PTPRD: variants seen among roughly 807,000 people sequenced by gnomAD.
The protein encoded by PTPRD is protein tyrosine phosphatase receptor type D.
PTPRD carries 34 observed loss-of-function variants against 214.5 expected under a neutral mutation model. That is an observed-to-expected ratio of 0.16 (90% confidence interval 0.12 to 0.21). The LOEUF (loss-of-function observed/expected upper bound fraction) is 0.21. Among genes scored for constraint, PTPRD ranks in the 10% least tolerant of loss-of-function variants. PTPRD has a pLI of 1.00. For missense variants in PTPRD, 2,545 were observed against 2,398.7 expected (o/e 1.06, Z -1.27); for synonymous variants, 1,128 against 845.7 (o/e 1.33, Z -5.79).
In PTPRD at chr9:8,819,338, ATATTT is replaced by A. The variant is rs550164249; in HGVS notation, c.-103-85397_-103-85393del. Among the ~76,000 whole-genome samples the A allele has an allele frequency of 2.6e-3, 397 of 152,142 alleles. 1 individual carries two copies. The highest frequency in any genetic ancestry group is 8.6e-3 in the African/African-American group (355 of 41,518). ...CTGTTTCATATTCATATATTAACTT[ATATTT>A]TATTTTATTATATTTCTCTAATATA... is the stretch of plus-strand genomic sequence containing the variant. On this transcript the variant is annotated intron_variant, in intron 11 of 45. Coordinates refer to ENST00000381196, the MANE Select transcript of PTPRD (RefSeq NM_002839.4).
At chr9:9,617,140 G>A (rs777565321) in intron 7 of PTPRD, among the ~76,000 whole-genome samples, 1 of 152,034 alleles carries the variant, frequency 6.6e-6, no homozygotes, top group Non-Finnish European at 1.5e-5. Context: ...GCTTATTCTG[G>A]GAGTTTTATA....
intron 3 of PTPRD, among the ~76,000 whole-genome samples, chr9:10,207,526 T>C (rs1217934324): frequency 6.6e-6 from 1 of 151,994 alleles, no homozygotes; most frequent in Non-Finnish European, 1.5e-5. Context: ...TTCTAAAATA[T>C]ATAATGCACT....
At chr9:10,308,740 G>A (rs1313107046) in intron 3 of PTPRD, among the ~76,000 whole-genome samples, 2 of 151,878 alleles carry the variant, frequency 1.3e-5, no homozygotes, top group African/African-American at 2.4e-5. Flanking sequence ...TTTGATTACT[G>A]GTATGCAGTT....
chr9:9,172,976 C>G (rs568369965), intron 10 of PTPRD, among the ~76,000 whole-genome samples: 1 of 152,236 alleles, frequency 6.6e-6, no homozygotes, highest in Non-Finnish European at 1.5e-5. Context: ...GAGAGATCAC[C>G]TCACTCAGAA....
chr9:8,777,847 T>C (rs908885155), intron 11 of PTPRD, among the ~76,000 whole-genome samples: 1 of 152,220 alleles, frequency 6.6e-6, no homozygotes, highest in African/African-American at 2.4e-5. Flanking sequence ...TTATCTCTCA[T>C]TTTTTATCAA....
intron 35 of PTPRD, among the ~76,000 whole-genome samples, chr9:8,418,678 G>A (rs1032799991): frequency 2.6e-5 from 4 of 151,638 alleles, no homozygotes; most frequent in Non-Finnish European, 5.9e-5. Flanking sequence ...ATATATACCA[G>A]GATCACAAAC....
At chr9:9,356,265 T>C (rs1238990362) in intron 9 of PTPRD, among the ~76,000 whole-genome samples, 1 of 151,190 alleles carries the variant, frequency 6.6e-6, no homozygotes. Flanking sequence ...GTTTGTGTGG[T>C]TATAGAAACA....
intron 10 of PTPRD, among the ~76,000 whole-genome samples, chr9:9,073,471 T>A (rs1179124960): frequency 6.6e-6 from 1 of 152,166 alleles, no homozygotes; most frequent in Non-Finnish European, 1.5e-5. Flanking sequence ...CTAAGACTAT[T>A]TTTCAGTTGC....
intron 12 of PTPRD, among the ~76,000 whole-genome samples, chr9:8,672,058 A>G (rs572795116): frequency 6.6e-6 from 1 of 152,330 alleles, no homozygotes; most frequent in Non-Finnish European, 1.5e-5. Flanking sequence ...TAAGGCTATT[A>G]TCTCCTCATA....
intron 30 of PTPRD, among the ~76,000 whole-genome samples, chr9:8,473,905 G>C (rs2096710738): frequency 6.6e-6 from 1 of 152,218 alleles, no homozygotes; most frequent in Non-Finnish European, 1.5e-5. Context: ...AAATAGGGCA[G>C]TGGCAATTTG....
chr9:9,500,455 G>T (rs1389505180), intron 8 of PTPRD, among the ~76,000 whole-genome samples: 1 of 152,092 alleles, frequency 6.6e-6, no homozygotes, highest in African/African-American at 2.4e-5. Context: ...GAACACAGCA[G>T]TGCCACTGAG....
chr9:9,320,971 T>C (rs1966178394), intron 9 of PTPRD, among the ~76,000 whole-genome samples: 1 of 152,192 alleles, frequency 6.6e-6, no homozygotes, highest in South Asian at 2.1e-4. Context: ...CCTTGCCTGC[T>C]TGCCTTCAAT....
intron 3 of PTPRD, among the ~76,000 whole-genome samples, chr9:10,094,075 T>C (rs1265989150): frequency 6.6e-6 from 1 of 151,362 alleles, no homozygotes; most frequent in Non-Finnish European, 1.5e-5. Context: ...CACATGTACC[T>C]GTTGAATCCA....
At chr9:9,055,029 GA>G (rs2099693653) in intron 10 of PTPRD, among the ~76,000 whole-genome samples, 1 of 152,154 alleles carries the variant, frequency 6.6e-6, no homozygotes, top group South Asian at 2.1e-4. Context: ...TGCAAGGACT[GA>G]AACTTGTCAT....
chr9:10,040,694 A>G (rs1337735235), intron 3 of PTPRD, among the ~76,000 whole-genome samples: 1 of 152,082 alleles, frequency 6.6e-6, no homozygotes, highest in Non-Finnish European at 1.5e-5. Context: ...TTTCTTCCCT[A>G]GCAAGAAAAG....
At position 10,004,715 on chromosome 9, in the gene PTPRD, T is replaced by C. The variant is rs139631569; in HGVS notation, c.-472+29003A>G. 2.2e-3 allele frequency among the ~76,000 whole-genome samples: 341 copies of C among 152,206 alleles called. 2 individuals are homozygous for C. The highest frequency in any genetic ancestry group is 7.8e-3 in the African/African-American group (325 of 41,542). ...AAAATACCAAATAGTGTCATAATTT[T>C]ATAAACACCAAACTTTATAAAATCA... On this transcript the variant is annotated intron_variant, in intron 4 of 45. Transcript: ENST00000381196.
chr9:9,928,343 C>T (rs951067412), intron 5 of PTPRD, among the ~76,000 whole-genome samples: 1 of 152,068 alleles, frequency 6.6e-6, no homozygotes, highest in Non-Finnish European at 1.5e-5. Context: ...AAGGAAGATG[C>T]TTTATGTTGC....
At chr9:9,079,909 A>T (rs1228465919) in intron 10 of PTPRD, among the ~76,000 whole-genome samples, 2 of 152,220 alleles carry the variant, frequency 1.3e-5, no homozygotes, top group East Asian at 3.9e-4. Context: ...TGCTGGAATA[A>T]GGGTGCCCTT....
Position 8,929,755 on chromosome 9 carries a change from A to ATATATATGTGTATATATATGTG in PTPRD, c.-104+88941_-104+88942insCACATATATATACACATATATA, listed in dbSNP as rs1285445116. 5.3e-3 allele frequency among the ~76,000 whole-genome samples: 308 copies of ATATATATGTGTATATATATGTG among 57,940 alleles called. 40 individuals are homozygous for ATATATATGTGTATATATATGTG. The highest frequency in any genetic ancestry group is 0.016 in the African/African-American group (241 of 15,088). 38.0% of individuals were successfully genotyped at this position (57,940 alleles called of 152,430 possible). ...TGTGTATATATATGTGTATATATATATGTATATATATGTGTATATATATGG... is the reference window on the plus strand; with the variant it reads ...TGTGTATATATATGTGTATATATATATATATATGTGTATATATATGTGTGTATATATATGTGTATATATATGG... On this transcript the variant is annotated intron_variant, in intron 11 of 45. Transcript: ENST00000381196.
Sources: gnomAD v4.1 joint callset for allele counts (sites outside exome capture counted in the v4.1 genomes callset) on GRCh38, gnomAD v4.1.1 for gene constraint, MANE v1.5 for transcripts, NCBI Gene and HGNC (gene_info 2026-07-23, HGNC 2026-07-21) for gene names.